MAP4: variants seen among roughly 807,000 people sequenced by gnomAD.
MAP4 encodes the protein microtubule-associated protein 4.
Under a neutral mutation model 170.2 loss-of-function variants are expected in MAP4, and 76 were observed. The ratio of observed to expected loss-of-function variants is 0.45; its 90% confidence interval spans 0.37 to 0.54. The LOEUF is 0.54. Among genes scored for constraint, MAP4 ranks in the 20% least tolerant of loss-of-function variants. The pLI is 0.00. For missense variants in MAP4, 2,506 were observed against 2,748.0 expected, an observed-to-expected ratio of 0.91 and a Z score of 1.97; for synonymous variants, 909 against 994.5, an observed-to-expected ratio of 0.91 and a Z score of 1.62.
Position 48,071,563 on chromosome 3 carries a change from A to C in MAP4, c.-20+17210T>G, listed in dbSNP as rs539802048. On this transcript the variant is annotated intron_variant, in intron 1 of 18. Transcript: ENST00000360240. ...AGACCCATCTCAAGAAAAAAAGAAA[A>C]GAGAAAAAATCTGAACACAGAATTA... Among the ~76,000 whole-genome samples, 6 of 151,274 alleles carry C rather than the reference A, an allele frequency of 4.0e-5. No individual in the cohort carries two copies. In the East Asian group the frequency reaches 1.2e-3, roughly 29 times the overall value.
At chr3:47,920,216 C>T (rs1316096651) in intron 5 of MAP4, among the ~76,000 whole-genome samples, 1 of 152,120 alleles carries the variant, frequency 6.6e-6, no homozygotes, top group Admixed American at 6.6e-5. Context: ...GGTGATCTGC[C>T]CACCTCCGTC....
chr3:47,942,644 A>G (rs998493025), intron 3 of MAP4, among the ~76,000 whole-genome samples: 10 of 152,200 alleles, frequency 6.6e-5, no homozygotes, highest in African/African-American at 2.4e-4. Context: ...TAAGTAACAC[A>G]TGTGAGAACA....
At chr3:47,880,805 C>T (rs539262646) in intron 10 of MAP4, among the ~76,000 whole-genome samples, 1 of 152,126 alleles carries the variant, frequency 6.6e-6, no homozygotes, top group African/African-American at 2.4e-5. Context: ...GTTTTATGAC[C>T]CAAGATCCAT....
intron 3 of MAP4, chr3:47,974,768 A>T: frequency 1.0e-6 from 1 of 979,032 alleles, no homozygotes; most frequent in Non-Finnish European, 1.2e-6. Flanking sequence ...CGTCTCCAAA[A>T]AAAAAAAAAT....
chr3:47,934,244 A>T (rs1462274044), intron 3 of MAP4, among the ~76,000 whole-genome samples: 2 of 152,154 alleles, frequency 1.3e-5, no homozygotes, highest in Non-Finnish European at 2.9e-5. Context: ...TAGGGTTTTG[A>T]ACCCTACTTT....
intron 1 of MAP4, among the ~76,000 whole-genome samples, chr3:48,031,017 T>A (rs550225467): frequency 6.6e-6 from 1 of 152,124 alleles, no homozygotes; most frequent in South Asian, 2.1e-4. Flanking sequence ...GCATAGCACA[T>A]AGTGACCTCC....
chr3:47,962,433 G>C (rs976810446), intron 3 of MAP4, among the ~76,000 whole-genome samples: 1 of 152,126 alleles, frequency 6.6e-6, no homozygotes, highest in African/African-American at 2.4e-5. Context: ...TATGCAATCA[G>C]CTTTGGGGGC....
At chr3:47,862,060 C>T (rs551062069) in intron 17 of MAP4, among the ~76,000 whole-genome samples, 43 of 149,408 alleles carry the variant, frequency 2.9e-4, no homozygotes, top group Admixed American at 1.0e-3. Context: ...ACTCAGGAGG[C>T]TGAGACAGGA....
At chr3:48,066,232 G>A (rs1170083820) in intron 1 of MAP4, among the ~76,000 whole-genome samples, 1 of 152,128 alleles carries the variant, frequency 6.6e-6, no homozygotes, top group Non-Finnish European at 1.5e-5. Flanking sequence ...TTCCTCCCCA[G>A]TATCTCTAAA....
intron 17 of MAP4, among the ~76,000 whole-genome samples, chr3:47,864,089 C>T (rs1559805261): frequency 6.6e-6 from 1 of 152,020 alleles, no homozygotes; most frequent in Non-Finnish European, 1.5e-5. Flanking sequence ...GGAATCCTCC[C>T]CTCTCAGCCT....
chr3:48,066,757 G>A (rs537502162), intron 1 of MAP4, among the ~76,000 whole-genome samples: 1 of 149,686 alleles, frequency 6.7e-6, no homozygotes, highest in South Asian at 2.1e-4. Context: ...GAATACCGAG[G>A]GACAACTGTA....
intron 10 of MAP4, among the ~76,000 whole-genome samples, chr3:47,889,393 G>A: frequency 6.6e-6 from 1 of 152,212 alleles, no homozygotes; most frequent in South Asian, 2.1e-4. Context: ...CCTCCAAAAT[G>A]TTTCCACAAT....
intron 17 of MAP4, among the ~76,000 whole-genome samples, chr3:47,859,596 C>T (rs2062367486): frequency 6.6e-6 from 1 of 152,210 alleles, no homozygotes; most frequent in South Asian, 2.1e-4. Context: ...TCCATACGGC[C>T]TCACATAGCT....
chr3:47,908,301 CAA>C (rs1560003463), intron 9 of MAP4, among the ~76,000 whole-genome samples: 2 of 151,664 alleles, frequency 1.3e-5, no homozygotes, highest in Admixed American at 6.6e-5. Flanking sequence ...TGAATAGAGC[CAA>C]AAAAGAGTAA....
At chr3:48,085,733 C>T (rs1579934755) in intron 1 of MAP4, among the ~76,000 whole-genome samples, 1 of 152,218 alleles carries the variant, frequency 6.6e-6, no homozygotes, top group Middle Eastern at 3.4e-3. Flanking sequence ...ACCAGCCTGG[C>T]CAACATGGTG....
chr3:47,993,840 A>G (rs1383780151), intron 2 of MAP4, among the ~76,000 whole-genome samples: 1 of 152,234 alleles, frequency 6.6e-6, no homozygotes, highest in East Asian at 1.9e-4. Flanking sequence ...AAGAATGACA[A>G]CATCTTATTA....
rs1298241570 is a variant in MAP4, at chr3:48,074,312, G to A, written c.-20+14461C>T. ...GTCACACACTAGGGCCTGTCATGGG[G>A]TGGGGGGAGGGGGGAGGGAAAGCAT... On this transcript the variant is annotated intron_variant, in intron 1 of 18. Transcript: ENST00000360240. Among the ~76,000 whole-genome samples, 6 of 105,896 alleles carry A rather than the reference G, an allele frequency of 5.7e-5. No individual in the cohort carries two copies. In the East Asian group the frequency reaches 1.7e-3, roughly 30 times the overall value. The allele number at this position is 105,896 out of a possible 152,430, so 69.5% of individuals were successfully genotyped here.
At chr3:48,060,221 G>T (rs1046193122) in intron 1 of MAP4, among the ~76,000 whole-genome samples, 1 of 152,038 alleles carries the variant, frequency 6.6e-6, no homozygotes, top group Non-Finnish European at 1.5e-5. Flanking sequence ...TCATTCTGTT[G>T]ATCTTTCTCA....
Position 48,074,676 on chromosome 3 carries a change from T to TTTTGTGTGTGTGTGTGTGTGTGTGTG in MAP4, c.-20+14096_-20+14097insCACACACACACACACACACACACAAA, listed in dbSNP as rs746281743. Among the ~76,000 whole-genome samples, 545 of 90,628 alleles carry TTTTGTGTGTGTGTGTGTGTGTGTGTG rather than the reference T, an allele frequency of 6.0e-3. 83 individuals are homozygous for TTTTGTGTGTGTGTGTGTGTGTGTGTG. The highest frequency in any genetic ancestry group is 0.011 in the East Asian group (33 of 2,924). 59.5% of individuals were successfully genotyped at this position (90,628 alleles called of 152,430 possible). On this transcript the variant is annotated intron_variant, in intron 1 of 18. Coordinates refer to the MAP4 transcript ENST00000360240. Reference sequence around the variant, plus strand: ...GGGGCAAGCCACCACATCCAGCTAATTGTGTGTGTGTGTGTGTGTGTGTGT... The same window carrying TTTTGTGTGTGTGTGTGTGTGTGTGTG: ...GGGGCAAGCCACCACATCCAGCTAATTTTGTGTGTGTGTGTGTGTGTGTGTGTGTGTGTGTGTGTGTGTGTGTGTGT...
Sources: allele counts gnomAD v4.1 joint callset (sites outside exome capture counted in the v4.1 genomes callset), GRCh38; gene constraint gnomAD v4.1.1; transcripts MANE v1.5; gene names NCBI Gene and HGNC (gene_info 2026-07-23, HGNC 2026-07-21).